PAQR3: variants seen among roughly 807,000 people sequenced by gnomAD.
PAQR3 encodes Raf kinase trapping to Golgi.
In PAQR3, 39 loss-of-function variants were observed where a neutral mutation model predicts 41.7. That is an observed-to-expected ratio of 0.93 (90% CI 0.72 to 1.22). PAQR3 has a LOEUF of 1.22. PAQR3 is among the 50% of genes most tolerant of loss of function. The pLI is 0.00. For missense variants in PAQR3, 366 were observed against 385.6 expected, an observed-to-expected ratio of 0.95 and a Z score of 0.42; for synonymous variants, 140 against 140.6, an observed-to-expected ratio of 1.00 and a Z score of 0.03.
At chr4:78,911,367 C>A, downstream of PAQR3, 4 of 1,614,000 alleles carry the variant, frequency 2.5e-6, no homozygotes, top group Non-Finnish European at 3.4e-6. Flanking sequence ...TTCAGCCCTT[C>A]CTCACATCAA....
chr4:78,938,183 A>G (rs1737632135), intron 1 of PAQR3, among the ~76,000 whole-genome samples: 1 of 152,252 alleles, frequency 6.6e-6, no homozygotes, highest in East Asian at 1.9e-4. Context: ...GTTTGCCACT[A>G]CAGCGACCTG....
chr4:78,923,010 A>C, intron 5 of PAQR3: 1 of 456,034 alleles, frequency 2.2e-6, no homozygotes, highest in Non-Finnish European at 4.4e-6. Flanking sequence ...AAAAAAATCT[A>C]TTGGCTTGTG....
In PAQR3 at chr4:78,901,755, C is replaced by T. The variant is rs185099873; in HGVS notation, c.*836+4353G>A. Among the ~76,000 whole-genome samples the T allele has an allele frequency of 2.7e-3, 406 of 152,282 alleles. 4 individuals carry two copies. The highest frequency in any genetic ancestry group is 8.4e-4 in the Non-Finnish European group (57 of 68,020). On this transcript the variant is annotated intron_variant and NMD_transcript_variant, in intron 11 of 12. Coordinates refer to the PAQR3 transcript ENST00000342820. ...ACCCCATTTTAATAAACACCTACAA[C>T]TTCTAAAACGTAGTTTTCATGAAAT...
downstream of PAQR3, chr4:78,911,439 G>T: frequency 6.2e-7 from 1 of 1,614,040 alleles, no homozygotes; most frequent in South Asian, 1.1e-5. Flanking sequence ...AAATAACGGG[G>T]AGCCAGCAGC....
chr4:78,922,569 CA>C (rs1311113009), intron 5 of PAQR3: 2 of 578,700 alleles, frequency 3.5e-6, no homozygotes, highest in East Asian at 1.3e-4. Flanking sequence ...GGATTTGCAT[CA>C]CTTTGTCTCT....
Position 78,912,747 on chromosome 4 carries a change from ATT to A in PAQR3, c.*7790_*7791del, listed in dbSNP as rs1560562473. 1 of 152,160 alleles carries A rather than the reference ATT, an allele frequency of 6.6e-6. No individual in the cohort carries two copies. 9.4% of individuals were successfully genotyped at this position (152,160 alleles called of 1,614,324 possible). The stretch of plus-strand genomic sequence containing the variant: ...ATGTTATACATGATAAATATATATA[ATT>A]TTTGTCAGTTAAAACAAATTAAAAA... On this transcript the variant is annotated 3_prime_UTR_variant, in exon 6 of 6. Transcript: ENST00000512733.
chr4:78,920,905 T>C (rs1327578191), intron 5 of PAQR3, among the ~76,000 whole-genome samples: 1 of 151,878 alleles, frequency 6.6e-6, no homozygotes, highest in Non-Finnish European at 1.5e-5. Flanking sequence ...AGAAATGCTA[T>C]TCCAAGTGTG....
intron 11 of PAQR3, among the ~76,000 whole-genome samples, chr4:78,889,519 T>G (rs1733311127): frequency 6.6e-6 from 1 of 152,216 alleles, no homozygotes. Flanking sequence ...TGTATAATTT[T>G]TAGGTAAAAA....
intron 11 of PAQR3, among the ~76,000 whole-genome samples, chr4:78,891,903 G>T (rs915738339): frequency 1.3e-5 from 2 of 152,192 alleles, no homozygotes; most frequent in African/African-American, 4.8e-5. Context: ...ATGTGATGGA[G>T]AAGTGGGGAA....
chr4:78,915,135 C>T lies in PAQR3; in HGVS notation c.*5404G>A, dbSNP rs563330126. Reference sequence around the variant, plus strand: ...AGGAGTGTAATTATTTTCCCTTACCCCAATCCCTGTGTACGTGTTGGGTAT... The same window carrying T: ...AGGAGTGTAATTATTTTCCCTTACCTCAATCCCTGTGTACGTGTTGGGTAT... On this transcript the variant is annotated 3_prime_UTR_variant, in exon 6 of 6. Transcript: ENST00000512733. The T allele has an allele frequency of 4.6e-5, 7 of 151,946 alleles. No individual in the cohort carries two copies. The highest frequency in any genetic ancestry group is 1.3e-4 in the Admixed American group (2 of 15,222). 9.4% of individuals were successfully genotyped at this position (151,946 alleles called of 1,614,324 possible).
At chr4:78,910,541 T>A, downstream of PAQR3, 1 of 1,257,340 alleles carries the variant, frequency 8.0e-7, no homozygotes, top group Non-Finnish European at 1.1e-6. Context: ...GTAATACATA[T>A]TAACATTTAG....
chr4:78,896,552 G>T (rs562861017), intron 11 of PAQR3, among the ~76,000 whole-genome samples: 54 of 152,258 alleles, frequency 3.5e-4, no homozygotes, highest in Middle Eastern at 3.4e-3. Context: ...AGCACAAAAA[G>T]TGACTGGCAC....
At chr4:78,895,034 C>CA (rs1469734277) in intron 11 of PAQR3, among the ~76,000 whole-genome samples, 1 of 151,726 alleles carries the variant, frequency 6.6e-6, no homozygotes, top group African/African-American at 2.4e-5. Context: ...TTGTGGAGCC[C>CA]AAAACAATTA....
At chr4:78,910,370 G>T (rs575021289), downstream of PAQR3, among the ~76,000 whole-genome samples, 1 of 152,310 alleles carries the variant, frequency 6.6e-6, no homozygotes, top group South Asian at 2.1e-4. Context: ...GTGAGAGTAC[G>T]ATGAGGCAGG....
downstream of PAQR3, among the ~76,000 whole-genome samples, chr4:78,909,588 G>A (rs1324517192): frequency 2.0e-5 from 3 of 152,028 alleles, no homozygotes; most frequent in African/African-American, 7.3e-5. Context: ...CCTTAAATAT[G>A]TCTTTATATA....
chr4:78,918,318 A>AT lies in PAQR3; in HGVS notation c.*2220dup. On this transcript the variant is annotated 3_prime_UTR_variant, in exon 6 of 6. Transcript: ENST00000512733. Reference sequence around the variant, plus strand: ...TCAGATTTGTAGACAACTTTAAAATATTTTTTAATGTTAACAATGTCTTCA... The same window carrying AT: ...TCAGATTTGTAGACAACTTTAAAATATTTTTTTAATGTTAACAATGTCTTCA... 1 of 973,302 alleles carries AT rather than the reference A, an allele frequency of 1.0e-6. No homozygotes were observed. Among genetic ancestry groups the AT allele is most frequent in the Non-Finnish European group, 1.2e-6 (1 of 818,560 alleles). The allele number at this position is 973,302 out of a possible 1,614,324, so 60.3% of individuals were successfully genotyped here. A position where few individuals can be genotyped will look rare whatever the true frequency, so the allele number is the denominator to read the frequency against.
intron 11 of PAQR3, among the ~76,000 whole-genome samples, chr4:78,897,812 G>A (rs962183264): frequency 6.6e-6 from 1 of 152,196 alleles, no homozygotes; most frequent in Non-Finnish European, 1.5e-5. Context: ...TTACTGGATA[G>A]AGTTTTATCT....
At position 78,920,297 on chromosome 4, in the gene PAQR3, T is replaced by G. The variant is rs1201415018; in HGVS notation, c.*242A>C. On this transcript the variant is annotated 3_prime_UTR_variant, in exon 6 of 6. Coordinates refer to ENST00000512733, the MANE Select transcript of PAQR3 (RefSeq NM_001040202.2). ...CCATTCATCGTTGTTATTCAGATGT[T>G]TCTTATGATTGCCAACTAATTTTCA... 2 of 1,164,062 alleles carry G rather than the reference T, an allele frequency of 1.7e-6. No individual in the cohort carries two copies. The highest frequency in any genetic ancestry group is 2.1e-6 in the Non-Finnish European group (2 of 944,524). 72.1% of individuals were successfully genotyped at this position (1,164,062 alleles called of 1,614,324 possible).
downstream of PAQR3, among the ~76,000 whole-genome samples, chr4:78,909,055 CTT>C (rs1053664659): frequency 2.2e-4 from 21 of 94,404 alleles, no homozygotes; most frequent in African/African-American, 5.9e-4. Context: ...TTCCCTTAGT[CTT>C]TTTTTTTTTT....
Sources: gnomAD v4.1 joint callset for allele counts (sites outside exome capture counted in the v4.1 genomes callset) on GRCh38, gnomAD v4.1.1 for gene constraint, MANE v1.5 for transcripts, NCBI Gene and HGNC (gene_info 2026-07-23, HGNC 2026-07-21) for gene names.